Variants in SLC39A14 observed in about 807,000 individuals in gnomAD.
SLC39A14 encodes solute carrier family 39 member 14.
In SLC39A14, 19 loss-of-function variants were observed where a neutral mutation model predicts 45.5. The ratio of observed to expected loss-of-function variants is 0.42; its 90% CI spans 0.29 to 0.61. The LOEUF (loss-of-function observed/expected upper bound fraction) is 0.61, where lower values mean the gene tolerates loss of function less well. Among genes scored for constraint, SLC39A14 ranks in the 20% least tolerant of loss-of-function variants. The pLI is 0.22. For synonymous variants in SLC39A14, 264 were observed against 251.3 expected (o/e 1.05, Z -0.48); for missense variants, 447 against 616.5 (o/e 0.73, Z 2.91).
At chr8:22,375,178 G>A (rs182235153) in intron 1 of SLC39A14, among the ~76,000 whole-genome samples, 2 of 149,080 alleles carry the variant, frequency 1.3e-5, no homozygotes, top group East Asian at 4.1e-4. Flanking sequence ...TCTGAACACA[G>A]CCCTTAGAAG....
intron 1 of SLC39A14, among the ~76,000 whole-genome samples, chr8:22,376,734 C>T (rs1484777049): frequency 6.6e-6 from 1 of 151,996 alleles, no homozygotes; most frequent in Non-Finnish European, 1.5e-5. Flanking sequence ...AAAAATTAGC[C>T]AGGCATGGTG....
rs551258323 is a variant in SLC39A14, at chr8:22,414,229, C to T, written c.628-551C>T. ...ACTCAAAACAAAACCCAAAAATTGACGCTCGCAATAACACAGTCCACTTTC... is the reference window on the plus strand; with the variant it reads ...ACTCAAAACAAAACCCAAAAATTGATGCTCGCAATAACACAGTCCACTTTC... On this transcript the variant is annotated intron_variant, in intron 4 of 8. Coordinates refer to ENST00000381237, the MANE Select transcript of SLC39A14 (RefSeq NM_001128431.4). Among the ~76,000 whole-genome samples the T allele has an allele frequency of 2.9e-4, 44 of 152,252 alleles. 1 individual carries two copies. The South Asian group carries it at 3.7e-3, about 13-fold the overall frequency.
At position 22,419,759 on chromosome 8, in the gene SLC39A14, G is replaced by A. The variant is rs1426925642; in HGVS notation, c.*61G>A. Reference sequence around the variant, plus strand: ...CCCTGGGCTGCCCGATCGCCAGCCCGAGGACTTACCATCCACAATGCACCA... The same window carrying A: ...CCCTGGGCTGCCCGATCGCCAGCCCAAGGACTTACCATCCACAATGCACCA... On this transcript the variant is annotated 3_prime_UTR_variant, in exon 9 of 9. Transcript: ENST00000381237. 115 of 1,511,722 alleles carry A rather than the reference G, an allele frequency of 7.6e-5. 1 individual carries two copies. Among genetic ancestry groups the A allele is most frequent in the Non-Finnish European group, 1.0e-4 (113 of 1,132,134 alleles). 93.6% of individuals were successfully genotyped at this position (1,511,722 alleles called of 1,614,324 possible).
At chr8:22,426,405 C>T (rs1181855170), downstream of SLC39A14, among the ~76,000 whole-genome samples, 6 of 151,756 alleles carry the variant, frequency 4.0e-5, no homozygotes, top group African/African-American at 4.8e-5. Context: ...GTTGCCCGGG[C>T]TGGTCTCGAA....
At chr8:22,406,746 C>T (rs1483594900) in intron 2 of SLC39A14, among the ~76,000 whole-genome samples, 1 of 152,156 alleles carries the variant, frequency 6.6e-6, no homozygotes, top group Non-Finnish European at 1.5e-5. Flanking sequence ...GATGCGAACA[C>T]CTGAGCACAT....
intron 1 of SLC39A14, among the ~76,000 whole-genome samples, chr8:22,393,428 G>C (rs371521542): frequency 1.2e-4 from 19 of 152,222 alleles, no homozygotes; most frequent in African/African-American, 4.6e-4. Flanking sequence ...GGGTGAGTGG[G>C]GTGGGCCATG....
At chr8:22,381,780 T>A (rs1006688483) in intron 1 of SLC39A14, among the ~76,000 whole-genome samples, 2 of 152,020 alleles carry the variant, frequency 1.3e-5, no homozygotes, top group African/African-American at 4.8e-5. Flanking sequence ...TTGTAACATG[T>A]GACAAAAGGT....
rs1463086561 is a variant in SLC39A14 at position 22,419,655 on chromosome 8, T to C, written c.1436T>C (p.Met479Thr). 1 of 1,614,122 alleles carries C rather than the reference T, an allele frequency of 6.2e-7. No homozygotes were observed. ...NLGLLTGFTI[M>T]VVLTMYSGQI... is the part of the protein sequence containing the mutation. The stretch of plus-strand genomic sequence containing the variant: ...GGCCTCCTGACTGGATTCACCATCA[T>C]GGTGGTCCTCACCATGTATTCAGGA... The change falls in exon 9 of 9, where the codon ATG becomes ACG. Residue 479 changes from methionine (M) to threonine (T), a missense_variant. Met to Thr is a moderately conservative substitution (Grantham distance 81). Around this residue, in one of 2 missense-constraint regions of SLC39A14, gnomAD observed 105 missense variants for 188.4 expected, o/e 0.56. Coordinates refer to ENST00000381237, the MANE Select transcript of SLC39A14 (RefSeq NM_001128431.4).
intron 1 of SLC39A14, among the ~76,000 whole-genome samples, chr8:22,397,307 G>A (rs1004838311): frequency 7.2e-5 from 11 of 152,078 alleles, no homozygotes; most frequent in African/African-American, 2.4e-4. Flanking sequence ...GGCCGGGCGC[G>A]GTGGCTCACG....
chr8:22,387,569 C>A (rs1200516868), intron 1 of SLC39A14, among the ~76,000 whole-genome samples: 1 of 152,142 alleles, frequency 6.6e-6, no homozygotes, highest in Non-Finnish European at 1.5e-5. Flanking sequence ...TCTTTTGTGC[C>A]ATATTTTCTG....
chr8:22,374,851 T>G (rs1263100075), intron 1 of SLC39A14, among the ~76,000 whole-genome samples: 1 of 150,906 alleles, frequency 6.6e-6, no homozygotes, highest in East Asian at 2.0e-4. Context: ...GCTCAAGCGA[T>G]TCTCCCATCA....
At chr8:22,432,291 C>T (rs1316347836) in intron 8 of SLC39A14, among the ~76,000 whole-genome samples, 1 of 152,104 alleles carries the variant, frequency 6.6e-6, no homozygotes, top group East Asian at 1.9e-4. Flanking sequence ...TATGATCATG[C>T]CACTGCACTC....
chr8:22,401,062 G>C (rs1030319344), intron 1 of SLC39A14, among the ~76,000 whole-genome samples: 7 of 152,192 alleles, frequency 4.6e-5, no homozygotes, highest in Non-Finnish European at 1.0e-4. Context: ...AGGGAGACTG[G>C]GTTGCTTGTC....
intron 7 of SLC39A14, among the ~76,000 whole-genome samples, chr8:22,416,747 C>G (rs1835909472): frequency 6.6e-6 from 1 of 152,094 alleles, no homozygotes; most frequent in Admixed American, 6.6e-5. Flanking sequence ...ACCACCATTT[C>G]TTAACGATTA....
intron 2 of SLC39A14, among the ~76,000 whole-genome samples, chr8:22,406,445 G>A (rs994022927): frequency 2.6e-4 from 40 of 152,300 alleles, no homozygotes; most frequent in African/African-American, 9.6e-4. Context: ...TGTAACCCCA[G>A]CACTTTGGGA....
At chr8:22,370,606 G>A (rs1442943640) in intron 1 of SLC39A14, among the ~76,000 whole-genome samples, 2 of 152,216 alleles carry the variant, frequency 1.3e-5, no homozygotes, top group Non-Finnish European at 2.9e-5. Context: ...ACTTGATGGA[G>A]AAGACCAAAG....
At chr8:22,412,805 G>A (rs28667840) in intron 4 of SLC39A14, among the ~76,000 whole-genome samples, 11,692 of 152,198 alleles carry the variant, frequency 0.077, 531 homozygotes, top group African/African-American at 0.13. Context: ...TTAGCCAGAC[G>A]TGGTAGCGCA....
intron 1 of SLC39A14, among the ~76,000 whole-genome samples, chr8:22,393,786 C>A (rs1418452578): frequency 6.6e-6 from 1 of 152,126 alleles, no homozygotes. Context: ...GTCCTCCCAC[C>A]TCAGGCCTCC....
intron 4 of SLC39A14, among the ~76,000 whole-genome samples, chr8:22,413,270 A>C (rs1409384361): frequency 6.6e-6 from 1 of 152,088 alleles, no homozygotes; most frequent in African/African-American, 2.4e-5. Flanking sequence ...TGTTTTCTGA[A>C]ATGTCAGTTG....
Sources: gnomAD v4.1 joint callset for allele counts (sites outside exome capture counted in the v4.1 genomes callset) on GRCh38, gnomAD v4.1.1 for gene constraint, gnomAD v4.1.1 regional missense constraint, MANE v1.5 for transcripts, NCBI Gene and HGNC (gene_info 2026-07-23, HGNC 2026-07-21) for gene names.